Variants in NSUN5 observed in about 807,000 individuals in gnomAD.
NSUN5 encodes the protein NOP2/Sun RNA methyltransferase 5.
Under a neutral mutation model 51.1 loss-of-function variants are expected in NSUN5, and 39 were observed. The observed-to-expected ratio is 0.76, with a 90% CI of 0.59 to 1.00. The LOEUF is 1.00. Ranked by LOEUF, NSUN5 falls within the 50% of genes least tolerant of loss-of-function variation. NSUN5 has a pLI of 0.00. For missense variants in NSUN5, 526 were observed against 614.0 expected (o/e 0.86, Z 1.51); for synonymous variants, 266 against 271.5 (o/e 0.98, Z 0.20).
chr7:73,308,379 G>T, intron 2 of NSUN5, 52 bp downstream of exon 2: 1 of 1,544,334 alleles, frequency 6.5e-7, no homozygotes, highest in South Asian at 1.2e-5. Context: ...GAGACCAGAT[G>T]ACAAAGCGCT....
rs782342184 is a variant in NSUN5, at chr7:73,308,564, G to A, written c.94-11C>T. ...CAGCTGCTTCACGTTCTGTGTGGCC[G>A]AGGAAGACAAGCTGGGTGGGGGCTC... On this transcript the variant is annotated splice_polypyrimidine_tract_variant and intron_variant, in intron 1 of 9. Transcript: ENST00000438747. 7.5e-6 allele frequency: 12 copies of A among 1,594,532 alleles called. No homozygotes were observed. In the East Asian group the frequency reaches 1.8e-4, roughly 24 times the overall value.
At position 73,304,345 on chromosome 7, in the gene NSUN5, C is replaced by T; in HGVS notation, c.819G>A (p.Arg273=). The change falls in exon 7 of 10, where the codon CGG becomes CGA. Residue 273 remains arginine, a synonymous_variant. Transcript: ENST00000438747. ...CCAGTTCACAGCAAGAGACGCCAGC[C>T]CGGGCCAGCAGCGTGGCCATGGATG... is the stretch of plus-strand genomic sequence containing the variant. ...RLASMATLLA[R]AGVSCCELAE... is the part of the protein sequence containing the mutation. 2.5e-6 allele frequency: 4 copies of T among 1,614,142 alleles called. No individual in the cohort carries two copies. The highest frequency in any genetic ancestry group is 3.4e-6 in the Non-Finnish European group (4 of 1,180,024).
At chr7:73,307,899 A>C in intron 2 of NSUN5, 142 bp from the exon 3 acceptor site, 1 of 742,250 alleles carries the variant, frequency 1.3e-6, no homozygotes, top group South Asian at 1.9e-5. Flanking sequence ...ACCTTATCCA[A>C]GATCACACCA....
At position 73,304,420 on chromosome 7, in the gene NSUN5, CA is replaced by C. The variant is rs1803950525; in HGVS notation, c.756-13del. 6.2e-7 allele frequency: 1 copy of C among 1,604,622 alleles called. No homozygotes were observed. Among genetic ancestry groups the C allele is most frequent in the African/African-American group, 1.3e-5 (1 of 74,762 alleles). On this transcript the variant is annotated splice_polypyrimidine_tract_variant and intron_variant, in intron 6 of 9. Transcript: ENST00000438747. ...AGGCAAAGATCTTCCTAGGGCAAAG[CA>C]GGGGTGAGCTGAGCACGCATGGAGC...
intron 2 of NSUN5, 100 bp downstream of exon 2, chr7:73,308,331 C>T (rs1554542247): frequency 1.4e-6 from 2 of 1,429,024 alleles, no homozygotes; most frequent in East Asian, 2.3e-5. Context: ...TTCAGATGAG[C>T]GACTTGCTCC....
chr7:73,308,681 G>C lies in NSUN5; in HGVS notation c.93+17C>G, dbSNP rs1554542358. The C allele has an allele frequency of 6.4e-7, 1 of 1,567,530 alleles. No homozygotes were observed. The highest frequency in any genetic ancestry group is 1.8e-5 in the Admixed American group (1 of 56,958). On this transcript the variant is annotated intron_variant, in intron 1 of 9. Coordinates refer to ENST00000438747, the MANE Select transcript of NSUN5 (RefSeq NM_148956.4). ...TCCTCACTCCCCACCCCTACTACTC[G>C]CGCCCAGGTCCGCTACCTGGAAGTT... is the stretch of plus-strand genomic sequence containing the variant.
intron 1 of NSUN5, 41 bp downstream of exon 1, chr7:73,308,657 C>T (rs782650455): frequency 8.5e-6 from 8 of 937,290 alleles, no homozygotes; most frequent in Non-Finnish European, 1.3e-5. Flanking sequence ...ACCCCGGGTT[C>T]CTCACTCCCC....
rs1554541516 is a variant in NSUN5 at position 73,304,657 on chromosome 7, T to G, written c.755+90A>C. On this transcript the variant is annotated intron_variant, in intron 6 of 9. Coordinates refer to ENST00000438747, the MANE Select transcript of NSUN5 (RefSeq NM_148956.4). ...ACTGCTTTGGTGCAGCAAGAAAGAC[T>G]TAAGCGAAAGTCATCCTTTCAGCCT... The G allele has an allele frequency of 3.4e-6, 4 of 1,171,478 alleles. No homozygotes were observed. In the African/African-American group the frequency reaches 6.0e-5, roughly 18 times the overall value. The allele number at this position is 1,171,478 out of a possible 1,614,324, so 72.6% of individuals were successfully genotyped here.
At chr7:73,303,782 C>T in intron 8 of NSUN5, 42 bp from the exon 9 acceptor site, 1 of 1,613,722 alleles carries the variant, frequency 6.2e-7, no homozygotes, top group Non-Finnish European at 8.5e-7. Flanking sequence ...GAGAGCAGCT[C>T]ACCCCGTCCC....
chr7:73,307,068 C>T (rs1384568263), intron 4 of NSUN5, among the ~76,000 whole-genome samples: 1 of 151,998 alleles, frequency 6.6e-6, no homozygotes, highest in African/African-American at 2.4e-5. Flanking sequence ...ACAAATGCAG[C>T]GACTGTTAGC....
Position 73,304,372 on chromosome 7 carries a change from C to T in NSUN5, c.792G>A (p.Leu264=), listed in dbSNP as rs745649988. The T allele has an allele frequency of 1.9e-6, 3 of 1,613,638 alleles. No homozygotes were observed. Among genetic ancestry groups the T allele is most frequent in the African/African-American group, 1.3e-5 (1 of 75,028 alleles). Residue 264 remains leucine (L), a synonymous_variant, in exon 7 of 10, where the codon CTG becomes CTA. Transcript: ENST00000438747. The part of the protein sequence containing the change: ...IFAFDLDAKR[L]ASMATLLARA... ...GGGCCAGCAGCGTGGCCATGGATGCCAGCCGCTTGGCATCCAGGTCAAAGG... is the reference window on the plus strand; with the variant it reads ...GGGCCAGCAGCGTGGCCATGGATGCTAGCCGCTTGGCATCCAGGTCAAAGG...
At chr7:73,308,107 C>G in intron 2 of NSUN5, 1 of 458,750 alleles carries the variant, frequency 2.2e-6, no homozygotes, top group East Asian at 3.6e-5. Flanking sequence ...GATCATAGCT[C>G]ACTGCAGCTT....
chr7:73,306,438 C>T (rs1458172761), intron 4 of NSUN5, among the ~76,000 whole-genome samples: 1 of 129,470 alleles, frequency 7.7e-6, no homozygotes. Flanking sequence ...GTAACAGCAT[C>T]AGATCTGGCT....
rs782819316 is a variant in NSUN5 at position 73,307,421 on chromosome 7, C to T, written c.473G>A (p.Gly158Asp). Residue 158 changes from glycine (G) to aspartate (D), a missense_variant, in exon 4 of 10, where the codon GGT becomes GAT. By Grantham distance (94) the Gly-to-Asp change is moderately conservative. Transcript: ENST00000438747. ...DDVVDYFKRQGFSYQGRASSL... is the reference protein window; with the variant it reads ...DDVVDYFKRQDFSYQGRASSL... ...GGAAGCCCGACCCTGATAGGAGAAA[C>T]CTTGTCTCTTGAAATAATCAACTAC... 5.6e-6 allele frequency: 9 copies of T among 1,614,012 alleles called. No individual in the cohort carries two copies. The highest frequency in any genetic ancestry group is 3.3e-4 in the Middle Eastern group (2 of 6,084).
In NSUN5 at chr7:73,307,422, C is replaced by G. The variant is rs143290632; in HGVS notation, c.472G>C (p.Gly158Arg). The G allele has an allele frequency of 4.4e-4, 703 of 1,614,002 alleles. No homozygotes were observed. The highest frequency in any genetic ancestry group is 5.8e-4 in the Non-Finnish European group (679 of 1,180,006). Residue 158 changes from glycine (G) to arginine (R), a missense_variant, in exon 4 of 10, where the codon GGT becomes CGT. By Grantham distance (125) the Gly-to-Arg change is moderately radical (BLOSUM62 -2). Transcript: ENST00000438747. ...DDVVDYFKRQ[G>R]FSYQGRASSL... ...GAAGCCCGACCCTGATAGGAGAAAC[C>G]TTGTCTCTTGAAATAATCAACTACA...
At chr7:73,307,976 C>G (rs1308159537) in intron 2 of NSUN5, 1 of 564,568 alleles carries the variant, frequency 1.8e-6, no homozygotes, top group Non-Finnish European at 3.1e-6. Flanking sequence ...CTTTCTCCAC[C>G]GATGTTCACC....
rs782200080 is a variant in NSUN5, at chr7:73,307,622, T to G, written c.352A>C (p.Asn118His). 2 of 1,584,966 alleles carry G rather than the reference T, an allele frequency of 1.3e-6. No homozygotes were observed. Among genetic ancestry groups the G allele is most frequent in the Non-Finnish European group, 1.7e-6 (2 of 1,165,268 alleles). Residue 118 changes from asparagine to histidine, a missense_variant, in exon 3 of 10, where the codon AAT becomes CAT. Coordinates refer to ENST00000438747, the MANE Select transcript of NSUN5 (RefSeq NM_148956.4). ...RLKVHRGVSR[N>H]EDLLEVGSRP... The stretch of plus-strand genomic sequence containing the variant: ...GATCCCACTTCCAACAGGTCCTCAT[T>G]CCGGCTCACACCCCGATGAACCTTG...
intron 4 of NSUN5, 115 bp downstream of exon 4, chr7:73,307,279 G>T: frequency 1.3e-6 from 1 of 741,522 alleles, no homozygotes; most frequent in South Asian, 1.7e-5. Context: ...TGGATAAACT[G>T]CTGGAAAGGT....
In NSUN5 at chr7:73,303,968, C is replaced by T; in HGVS notation, c.1003G>A (p.Ala335Thr). ...TPSPVRLHAL[A>T]GFQQRALCHA... is the part of the protein sequence containing the mutation. Reference sequence around the variant, plus strand: ...CACAGGGCTCGCTGCTGGAACCCTGCCAGGGCATGCAGACGCACCGGGCTA... The same window carrying T: ...CACAGGGCTCGCTGCTGGAACCCTGTCAGGGCATGCAGACGCACCGGGCTA... Residue 335 changes from alanine to threonine, a missense_variant, in exon 8 of 10, where the codon GCA becomes ACA. Transcript: ENST00000438747. The T allele has an allele frequency of 6.2e-7, 1 of 1,614,138 alleles. No individual in the cohort carries two copies. The highest frequency in any genetic ancestry group is 8.5e-7 in the Non-Finnish European group (1 of 1,180,018).
Sources: gnomAD v4.1 joint callset for allele counts (sites outside exome capture counted in the v4.1 genomes callset) on GRCh38, gnomAD v4.1.1 for gene constraint, MANE v1.5 for transcripts, NCBI Gene and HGNC (gene_info 2026-07-23, HGNC 2026-07-21) for gene names.